Variants in VPS13B observed in about 807,000 individuals in gnomAD.
The protein encoded by VPS13B is intermembrane lipid transfer protein VPS13B.
VPS13B carries 285 observed loss-of-function variants against 426.4 expected under a neutral mutation model. The observed-to-expected ratio is 0.67, with a 90% CI of 0.61 to 0.74. The LOEUF (loss-of-function observed/expected upper bound fraction) is 0.74, where lower values mean the gene tolerates loss of function less well. Ranked by LOEUF, VPS13B falls within the 30% of genes least tolerant of loss-of-function variation. VPS13B has a pLI of 0.00. For synonymous variants in VPS13B, 1,676 were observed against 1,676.4 expected, an observed-to-expected ratio of 1.00 and a Z score of 0.01; for missense variants, 4,537 against 4,782.6, an observed-to-expected ratio of 0.95 and a Z score of 1.51.
At position 99,859,500 on chromosome 8, in the gene VPS13B, GTAA is replaced by G; in HGVS notation, c.11044+25_11044+27del. On this transcript the variant is annotated intron_variant, in intron 57 of 61. Coordinates refer to ENST00000357162, the MANE Select transcript of VPS13B (RefSeq NM_152564.5). ...CCAAAGGTAGCGGGTTCCGTTCCTTGTAATAATGCCTTCACTCCTTCCCTTTTT... is the reference window on the plus strand; with the variant it reads ...CCAAAGGTAGCGGGTTCCGTTCCTTGTAATGCCTTCACTCCTTCCCTTTTT... 6.2e-7 allele frequency: 1 copy of G among 1,607,138 alleles called. No individual in the cohort carries two copies.
intron 39 of VPS13B, among the ~76,000 whole-genome samples, chr8:99,745,083 C>T (rs1810014330): frequency 6.6e-6 from 1 of 151,754 alleles, no homozygotes; most frequent in Non-Finnish European, 1.5e-5. Flanking sequence ...TTTAGGCTGC[C>T]TCTTTTTACT....
At chr8:99,176,145 T>G (rs1812619197) in intron 16 of VPS13B, among the ~76,000 whole-genome samples, 2 of 152,212 alleles carry the variant, frequency 1.3e-5, no homozygotes, top group African/African-American at 4.8e-5. Flanking sequence ...AACTTTTGTT[T>G]TTTTTTTTTG....
At chr8:99,285,883 A>G (rs989020688) in intron 19 of VPS13B, among the ~76,000 whole-genome samples, 2 of 152,260 alleles carry the variant, frequency 1.3e-5, no homozygotes, top group African/African-American at 4.8e-5. Context: ...TATACATGGG[A>G]GTCATTCTTA....
At chr8:99,626,529 G>A (rs1360742844) in intron 33 of VPS13B, among the ~76,000 whole-genome samples, 1 of 152,152 alleles carries the variant, frequency 6.6e-6, no homozygotes, top group Non-Finnish European at 1.5e-5. Context: ...ATTGATTGTA[G>A]TGATGGTTGT....
At position 99,710,907 on chromosome 8, in the gene VPS13B, A is replaced by C. The variant is rs575350940; in HGVS notation, c.6455-6264A>C. On this transcript the variant is annotated intron_variant, in intron 36 of 61. Coordinates refer to ENST00000357162, the MANE Select transcript of VPS13B (RefSeq NM_152564.5). ...GTAATCCCAGCTACTTGGGAGGCTG[A>C]GGCAAGGGAATTGCTTGAACCAGGG... Among the ~76,000 whole-genome samples the C allele has an allele frequency of 9.2e-5, 14 of 151,384 alleles. No homozygotes were observed. In the South Asian group the frequency reaches 2.5e-3, roughly 27 times the overall value.
chr8:99,557,129 T>C (rs142759746), intron 31 of VPS13B, among the ~76,000 whole-genome samples: 51 of 152,242 alleles, frequency 3.3e-4, no homozygotes, highest in African/African-American at 1.2e-3. Flanking sequence ...ACTATGTTGA[T>C]AGATCTTTTT....
chr8:99,441,496 A>G (rs1254135780), intron 22 of VPS13B, among the ~76,000 whole-genome samples: 3 of 152,124 alleles, frequency 2.0e-5, no homozygotes, highest in Non-Finnish European at 2.9e-5. Flanking sequence ...AAATCAACCA[A>G]TCATAGTTTG....
intron 21 of VPS13B, among the ~76,000 whole-genome samples, chr8:99,421,971 C>T (rs540232938): frequency 3.9e-5 from 6 of 152,186 alleles, no homozygotes; most frequent in Admixed American, 2.0e-4. Context: ...TGTAAGCCAC[C>T]GTGCCTGGAC....
At chr8:99,740,980 C>G (rs971930827) in intron 39 of VPS13B, among the ~76,000 whole-genome samples, 1 of 152,086 alleles carries the variant, frequency 6.6e-6, no homozygotes, top group African/African-American at 2.4e-5. Context: ...ACAATATTAA[C>G]CTTAAATGTA....
intron 16 of VPS13B, among the ~76,000 whole-genome samples, chr8:99,177,460 A>C (rs751246416): frequency 1.4e-4 from 22 of 152,242 alleles, no homozygotes; most frequent in Non-Finnish European, 2.6e-4. Flanking sequence ...TATAAAAAGC[A>C]CAATTATAGG....
At chr8:99,078,781 G>T (rs1168999614) in intron 3 of VPS13B, among the ~76,000 whole-genome samples, 1 of 152,150 alleles carries the variant, frequency 6.6e-6, no homozygotes, top group African/African-American at 2.4e-5. Flanking sequence ...TGGCAGGCCA[G>T]CAGTGGTGTT....
chr8:99,329,567 A>G (rs982402412), intron 19 of VPS13B, among the ~76,000 whole-genome samples: 1 of 152,044 alleles, frequency 6.6e-6, no homozygotes, highest in Admixed American at 6.6e-5. Context: ...CCAGATTATA[A>G]ATAAAATTGA....
At chr8:99,493,995 A>G (rs767876288) in intron 25 of VPS13B, among the ~76,000 whole-genome samples, 8 of 152,056 alleles carry the variant, frequency 5.3e-5, no homozygotes. Context: ...TAATGATAAG[A>G]TAAATATTTC....
intron 33 of VPS13B, among the ~76,000 whole-genome samples, chr8:99,611,332 A>C (rs1827837059): frequency 6.6e-6 from 1 of 152,120 alleles, no homozygotes; most frequent in Non-Finnish European, 1.5e-5. Context: ...TTTATTTGTG[A>C]TATATTTTTG....
In VPS13B at chr8:99,135,729, A is replaced by G. The variant is rs143205296; in HGVS notation, c.1559A>G (p.His520Arg). The G allele has an allele frequency of 6.2e-4, 995 of 1,613,188 alleles. 2 individuals carry two copies. The highest frequency in any genetic ancestry group is 2.1e-3 in the Admixed American group (125 of 60,004). The change falls in exon 11 of 62, where the codon CAT becomes CGT. Residue 520 changes from histidine (H) to arginine (R), a missense_variant. His to Arg is a conservative substitution (Grantham distance 29, BLOSUM62 0). Around this residue, in one of 2 missense-constraint regions of VPS13B, gnomAD observed 4,311 missense variants for 4,474.3 expected, o/e 0.96. Coordinates refer to ENST00000357162, the MANE Select transcript of VPS13B (RefSeq NM_152564.5). ...GAATTTATCTTGGATTCAACTCATC[A>G]TAAGGTTAGAGAATATATATTTGAA... is the stretch of plus-strand genomic sequence containing the variant. Reference protein sequence around the residue: ...RAEFILDSTHHKETYTEIAGM... With the variant: ...RAEFILDSTHRKETYTEIAGM...
intron 19 of VPS13B, among the ~76,000 whole-genome samples, chr8:99,292,961 G>A (rs1341839309): frequency 2.0e-5 from 3 of 151,980 alleles, no homozygotes; most frequent in Admixed American, 6.6e-5. Flanking sequence ...TTAGAAAATA[G>A]CATGGAGTGA....
At chr8:99,640,174 G>A (rs1829299672) in intron 33 of VPS13B, among the ~76,000 whole-genome samples, 1 of 152,040 alleles carries the variant, frequency 6.6e-6, no homozygotes. Flanking sequence ...TGATAGTAAT[G>A]TAACTTAGTG....
intron 3 of VPS13B, among the ~76,000 whole-genome samples, chr8:99,045,400 GT>G (rs60731362): frequency 0.83 from 124,507 of 150,710 alleles, 51,875 homozygotes; most frequent in South Asian, 0.89. Context: ...TGATGGGATT[GT>G]TTTTTTTTTC....
intron 37 of VPS13B, among the ~76,000 whole-genome samples, chr8:99,718,077 T>TA (rs1211819191): frequency 2.6e-5 from 4 of 151,848 alleles, no homozygotes; most frequent in Non-Finnish European, 4.4e-5. Context: ...TTTTTTTTTT[T>TA]ATGGGTAGAC....
Sources: allele counts gnomAD v4.1 joint callset (sites outside exome capture counted in the v4.1 genomes callset), GRCh38; gene constraint gnomAD v4.1.1; regional missense constraint gnomAD v4.1.1; transcripts MANE v1.5; gene names NCBI Gene and HGNC (gene_info 2026-07-23, HGNC 2026-07-21).